The following ENOX1 variants were observed in gnomAD, a reference collection of about 807,000 sequenced individuals.
ENOX1 encodes the protein ecto-NOX disulfide-thiol exchanger 1.
Under a neutral mutation model 82.5 loss-of-function variants are expected in ENOX1, and 42 were observed. The observed-to-expected ratio is 0.51, with a 90% CI of 0.40 to 0.66. The LOEUF is 0.66. ENOX1 is among the 30% of genes least tolerant of loss of function. ENOX1 has a pLI of 0.00. For missense variants in ENOX1, 608 were observed against 811.6 expected, an observed-to-expected ratio of 0.75 and a Z score of 3.05; for synonymous variants, 271 against 282.2, an observed-to-expected ratio of 0.96 and a Z score of 0.40.
chr13:43,768,401 A>T (rs1007171229), intron 1 of ENOX1, among the ~76,000 whole-genome samples: 9 of 152,204 alleles, frequency 5.9e-5, no homozygotes, highest in Non-Finnish European at 1.3e-4. Flanking sequence ...CAGGAGTTTA[A>T]GACCAGCCTG....
At chr13:43,601,261 T>G (rs2081707146) in intron 2 of ENOX1, among the ~76,000 whole-genome samples, 1 of 151,956 alleles carries the variant, frequency 6.6e-6, no homozygotes, top group Non-Finnish European at 1.5e-5. Flanking sequence ...AACATCTGAT[T>G]TAAGGAAAGT....
intron 12 of ENOX1, among the ~76,000 whole-genome samples, chr13:43,288,395 G>A (rs533607028): frequency 8.5e-5 from 13 of 152,230 alleles, no homozygotes; most frequent in African/African-American, 2.2e-4. Context: ...CTGGGTTGTC[G>A]AAGAATCAGA....
intron 5 of ENOX1, among the ~76,000 whole-genome samples, chr13:43,362,063 C>T (rs749571951): frequency 6.6e-6 from 1 of 150,400 alleles, no homozygotes; most frequent in Non-Finnish European, 1.5e-5. Context: ...TAGCTATATA[C>T]ATTTCTGGCT....
At chr13:43,475,369 C>A (rs116825398) in intron 3 of ENOX1, among the ~76,000 whole-genome samples, 17 of 152,086 alleles carry the variant, frequency 1.1e-4, no homozygotes, top group Non-Finnish European at 1.9e-4. Flanking sequence ...GATAGGAACT[C>A]TATTTTCTGA....
chr13:43,750,150 A>T (rs1431460307), intron 1 of ENOX1, among the ~76,000 whole-genome samples: 1 of 152,210 alleles, frequency 6.6e-6, no homozygotes, highest in Non-Finnish European at 1.5e-5. Context: ...TTTCCAACTC[A>T]TAAGGCTGAA....
intron 2 of ENOX1, among the ~76,000 whole-genome samples, chr13:43,550,707 C>T (rs567775373): frequency 2.6e-5 from 4 of 152,268 alleles, no homozygotes; most frequent in East Asian, 1.9e-4. Flanking sequence ...AAGTAATTTT[C>T]CCATGATAAT....
chr13:43,712,716 T>A (rs1415977196), intron 1 of ENOX1, among the ~76,000 whole-genome samples: 1 of 152,172 alleles, frequency 6.6e-6, no homozygotes, highest in Non-Finnish European at 1.5e-5. Context: ...TGGCTCTCTG[T>A]TTGTTACTGG....
At chr13:43,389,056 G>A (rs2052604579) in intron 5 of ENOX1, among the ~76,000 whole-genome samples, 1 of 152,080 alleles carries the variant, frequency 6.6e-6, no homozygotes, top group East Asian at 1.9e-4. Flanking sequence ...AATAACAAAA[G>A]TAATTTTAAT....
chr13:43,758,294 C>G (rs1950765093), intron 1 of ENOX1, among the ~76,000 whole-genome samples: 1 of 151,758 alleles, frequency 6.6e-6, no homozygotes, highest in Non-Finnish European at 1.5e-5. Flanking sequence ...TACTCCTCAG[C>G]AATAAAATGG....
chr13:43,277,305 T>C (rs1285353378), intron 12 of ENOX1, among the ~76,000 whole-genome samples: 1 of 152,218 alleles, frequency 6.6e-6, no homozygotes, highest in Non-Finnish European at 1.5e-5. Flanking sequence ...GCTTCATTTA[T>C]AGCTGAGAGA....
At chr13:43,449,718 T>C (rs2056856469) in intron 3 of ENOX1, among the ~76,000 whole-genome samples, 1 of 152,138 alleles carries the variant, frequency 6.6e-6, no homozygotes, top group African/African-American at 2.4e-5. Context: ...AAGTCCCTTT[T>C]ATGTTCTTTT....
At chr13:43,420,002 T>A (rs559482065) in intron 3 of ENOX1, among the ~76,000 whole-genome samples, 27 of 152,268 alleles carry the variant, frequency 1.8e-4, no homozygotes, top group Middle Eastern at 3.4e-3. Context: ...AAAGGAAGCT[T>A]ATTTCATATG....
chr13:43,592,376 T>C (rs1352789617), intron 2 of ENOX1, among the ~76,000 whole-genome samples: 3 of 152,216 alleles, frequency 2.0e-5, no homozygotes, highest in African/African-American at 4.8e-5. Context: ...ATGTAAAATA[T>C]GTGATTAAGT....
intron 9 of ENOX1, among the ~76,000 whole-genome samples, chr13:43,328,648 G>A (rs1337898242): frequency 6.6e-6 from 1 of 152,180 alleles, no homozygotes; most frequent in Non-Finnish European, 1.5e-5. Flanking sequence ...GAGGAGTACA[G>A]AAAAGAAAGA....
intron 12 of ENOX1, among the ~76,000 whole-genome samples, chr13:43,291,734 T>C (rs1335621325): frequency 6.6e-6 from 1 of 152,196 alleles, no homozygotes; most frequent in African/African-American, 2.4e-5. Context: ...AGGCTCCTGT[T>C]CAAGATGTCA....
At chr13:43,697,116 GA>G (rs1319681471) in intron 1 of ENOX1, among the ~76,000 whole-genome samples, 1 of 152,210 alleles carries the variant, frequency 6.6e-6, no homozygotes, top group Non-Finnish European at 1.5e-5. Flanking sequence ...GCCATTAACA[GA>G]AAGGATGGTC....
At chr13:43,749,192 T>C (rs1156711181) in intron 1 of ENOX1, among the ~76,000 whole-genome samples, 1 of 152,188 alleles carries the variant, frequency 6.6e-6, no homozygotes. Context: ...TTAGTGAAAA[T>C]TTCTTATAAA....
chr13:43,332,709 A>C (rs1429775202), intron 9 of ENOX1, among the ~76,000 whole-genome samples: 1 of 152,180 alleles, frequency 6.6e-6, no homozygotes, highest in African/African-American at 2.4e-5. Flanking sequence ...TATATTTAAA[A>C]ATTTTGGAAA....
intron 1 of ENOX1, among the ~76,000 whole-genome samples, chr13:43,696,477 G>C (rs1486352326): frequency 6.6e-6 from 1 of 152,094 alleles, no homozygotes; most frequent in African/African-American, 2.4e-5. Flanking sequence ...AAAGTAATTG[G>C]GATACTTCAA....
Sources: allele counts gnomAD v4.1 joint callset (sites outside exome capture counted in the v4.1 genomes callset), GRCh38; gene constraint gnomAD v4.1.1; transcripts MANE v1.5; gene names NCBI Gene and HGNC (gene_info 2026-07-23, HGNC 2026-07-21).